TEX14: variants seen among roughly 807,000 people sequenced by gnomAD.
TEX14 encodes the protein testis expressed 14, intercellular bridge forming factor.
Under a neutral mutation model 178.6 loss-of-function variants are expected in TEX14, and 168 were observed. That is an observed-to-expected ratio of 0.94 (90% CI 0.83 to 1.07). The LOEUF is 1.07. Among genes scored for constraint, TEX14 ranks in the 50% least tolerant of loss-of-function variants. The pLI is 0.00. For missense variants in TEX14, 1,730 were observed against 1,753.6 expected, an observed-to-expected ratio of 0.99 and a Z score of 0.24; for synonymous variants, 626 against 634.1, an observed-to-expected ratio of 0.99 and a Z score of 0.19.
chr17:58,670,078 T>C (rs1910433522), intron 1 of TEX14, among the ~76,000 whole-genome samples: 1 of 152,206 alleles, frequency 6.6e-6, no homozygotes, highest in South Asian at 2.1e-4. Context: ...TTGCTTAAAA[T>C]GTTTTTACCC....
Position 58,570,406 on chromosome 17 carries a change from G to A in TEX14, c.3796C>T (p.Gln1266Ter), listed in dbSNP as rs1439569645. The change falls in exon 25 of 32, where the codon CAG becomes TAG. Residue 1266 changes from glutamine to a stop codon, truncating the protein, a stop_gained. Transcript: ENST00000349033. LOFTEE classifies it high-confidence loss of function. ...ACDSSPPHAT[Q>*]RRSLPKVEAF... The stretch of plus-strand genomic sequence containing the variant: ...GTACCTTTAGGCAGGCTCCTTCTCT[G>A]GGTGGCATGGGGTGGTGATGAGTCA... The A allele has an allele frequency of 1.3e-6, 2 of 1,517,136 alleles. No individual in the cohort carries two copies. Among genetic ancestry groups the A allele is most frequent in the Non-Finnish European group, 1.7e-6 (2 of 1,145,168 alleles). The allele number at this position is 1,517,136 out of a possible 1,614,324, so 94.0% of individuals were successfully genotyped here.
intron 2 of TEX14, among the ~76,000 whole-genome samples, chr17:58,646,288 A>C (rs992702746): frequency 2.0e-5 from 3 of 152,220 alleles, no homozygotes; most frequent in African/African-American, 7.2e-5. Context: ...AAAACACAAA[A>C]CAATATAAAA....
intron 15 of TEX14, among the ~76,000 whole-genome samples, chr17:58,588,419 A>C (rs1310853623): frequency 6.6e-6 from 1 of 152,090 alleles, no homozygotes; most frequent in Admixed American, 6.5e-5. Context: ...TCAGCTTCCC[A>C]AGTAGCTGGG....
chr17:58,572,137 A>G lies in TEX14; in HGVS notation c.3512-11T>C. The G allele has an allele frequency of 6.3e-7, 1 of 1,593,356 alleles. No homozygotes were observed. The highest frequency in any genetic ancestry group is 8.6e-7 in the Non-Finnish European group (1 of 1,162,820). On this transcript the variant is annotated splice_polypyrimidine_tract_variant and intron_variant, in intron 23 of 31. Transcript: ENST00000349033. Reference sequence around the variant, plus strand: ...CTGAAGAAACGGACCCTGTTGGAGAAAAGCGGAAGGTTACTGTCTGAATCC... The same window carrying G: ...CTGAAGAAACGGACCCTGTTGGAGAGAAGCGGAAGGTTACTGTCTGAATCC...
chr17:58,599,690 C>A, intron 13 of TEX14, 24 bp from the exon 14 acceptor site: 1 of 1,586,032 alleles, frequency 6.3e-7, no homozygotes, highest in Non-Finnish European at 8.6e-7. Context: ...CAGCAAAATG[C>A]AACTCATTAA....
Position 58,569,864 on chromosome 17 carries a change from C to G in TEX14, c.3817+521G>C, listed in dbSNP as rs1228175801. On this transcript the variant is annotated intron_variant, in intron 25 of 31. Coordinates refer to ENST00000349033, the MANE Select transcript of TEX14 (RefSeq NM_031272.5). The surrounding 1 kb of genome is among the most constrained non-coding windows in gnomAD (Gnocchi z 4.1). ...CCTCAAGACTGCTAATATTCTCAGA[C>G]CTTGTGATTTGGAAACTGTCTTCTA... Among the ~76,000 whole-genome samples, 2 of 152,072 alleles carry G rather than the reference C, an allele frequency of 1.3e-5. No homozygotes were observed. The highest frequency in any genetic ancestry group is 2.1e-4 in the South Asian group (1 of 4,824).
At chr17:58,662,473 A>G (rs2047133875) in intron 1 of TEX14, among the ~76,000 whole-genome samples, 1 of 151,612 alleles carries the variant, frequency 6.6e-6, no homozygotes, top group Non-Finnish European at 1.5e-5. Flanking sequence ...CAACTACATG[A>G]CCAAATTATG....
In TEX14 at chr17:58,680,207, C is replaced by T. The variant is rs1233202725; in HGVS notation, c.-2+11732G>A. Among the ~76,000 whole-genome samples, 8 of 152,088 alleles carry T rather than the reference C, an allele frequency of 5.3e-5. No individual in the cohort carries two copies. In the East Asian group the frequency reaches 9.7e-4, roughly 18 times the overall value. On this transcript the variant is annotated intron_variant, in intron 1 of 31. Coordinates refer to ENST00000349033, the MANE Select transcript of TEX14 (RefSeq NM_031272.5). ...TCCCCAGCAGCTGCAAAAACAGGCG[C>T]GCACGGCTTTCTTGCGCAGTTAAAC...
Position 58,587,963 on chromosome 17 carries a change from G to A in TEX14, c.2635C>T (p.Leu879Phe), listed in dbSNP as rs138686880. ...TGCCGGTGGCTTGACAGAGTGAAGA[G>A]TGCACTATTAAACTGTGTGGCTTTG... ...QAKATQFNSA[L>F]FTLSSHRQGP... The change falls in exon 16 of 32, where the codon CTC becomes TTC. Residue 879 changes from leucine (L) to phenylalanine (F), a missense_variant. Physicochemically the swap from Leu to Phe is conservative, Grantham distance 22. Coordinates refer to ENST00000349033, the MANE Select transcript of TEX14 (RefSeq NM_031272.5). 2.5e-6 allele frequency: 4 copies of A among 1,610,112 alleles called. No individual in the cohort carries two copies. Among genetic ancestry groups the A allele is most frequent in the African/African-American group, 2.7e-5 (2 of 74,766 alleles).
rs1642885665 is a variant in TEX14, at chr17:58,569,384, G to A, written c.3818-124C>T. ...TCTCAATGATGAAACAAACTAAGGAGGAAGGAAGCCTCTTACATAATAGTT... is the reference window on the plus strand; with the variant it reads ...TCTCAATGATGAAACAAACTAAGGAAGAAGGAAGCCTCTTACATAATAGTT... On this transcript the variant is annotated intron_variant, in intron 25 of 31. Coordinates refer to ENST00000349033, the MANE Select transcript of TEX14 (RefSeq NM_031272.5). This position sits in a 1 kb window ranked among gnomAD's most constrained non-coding sequence, Gnocchi z 4.1. The A allele has an allele frequency of 1.1e-5, 8 of 704,902 alleles. No individual in the cohort carries two copies. In the South Asian group the frequency reaches 1.2e-4, roughly 11 times the overall value. 43.7% of individuals were successfully genotyped at this position (704,902 alleles called of 1,614,324 possible). A position where few individuals can be genotyped will look rare whatever the true frequency, so the allele number is the denominator to read the frequency against.
chr17:58,622,785 G>T, intron 4 of TEX14, 62 bp downstream of exon 4: 2 of 1,498,638 alleles, frequency 1.3e-6, no homozygotes, highest in Non-Finnish European at 1.8e-6. Flanking sequence ...ACCACTGGGA[G>T]CCTGACTCTC....
intron 3 of TEX14, among the ~76,000 whole-genome samples, chr17:58,625,261 T>C (rs1289414170): frequency 6.6e-6 from 1 of 152,100 alleles, no homozygotes; most frequent in Non-Finnish European, 1.5e-5. Flanking sequence ...GCCTCCCGAG[T>C]AGCTGGAATT....
In TEX14 at chr17:58,587,633, A is replaced by G; in HGVS notation, c.2736T>C (p.Tyr912=). 1 of 1,608,368 alleles carries G rather than the reference A, an allele frequency of 6.2e-7. No homozygotes were observed. The highest frequency in any genetic ancestry group is 8.5e-7 in the Non-Finnish European group (1 of 1,178,156). ...MSVEPVSSEI[Y]NAESRNKDDG... is the part of the protein sequence containing the mutation. ...CATCTTTATTTCTGGACTCTGCATT[A>G]TAGATTTCAGAAGAAACAGGTTCCA... The change falls in exon 17 of 32, where the codon TAT becomes TAC. Residue 912 remains tyrosine (Y), a synonymous_variant. Transcript: ENST00000349033.
At chr17:58,636,967 C>CTGTA (rs1265006897) in intron 2 of TEX14, among the ~76,000 whole-genome samples, 1 of 151,668 alleles carries the variant, frequency 6.6e-6, no homozygotes, top group Non-Finnish European at 1.5e-5. Flanking sequence ...TGGCTCACGC[C>CTGTA]TGTAATCCCA....
At chr17:58,620,422 C>A (rs1230568023) in intron 5 of TEX14, among the ~76,000 whole-genome samples, 1 of 152,108 alleles carries the variant, frequency 6.6e-6, no homozygotes. Flanking sequence ...CTCCACCTCC[C>A]AGATTCAAGT....
chr17:58,598,703 C>T (rs2045353223), intron 14 of TEX14, among the ~76,000 whole-genome samples, 173 bp downstream of exon 14: 1 of 152,170 alleles, frequency 6.6e-6, no homozygotes, highest in Middle Eastern at 3.2e-3. Flanking sequence ...CAACGTCAAA[C>T]CCAGCCCTGG....
chr17:58,657,135 T>A (rs573138985), intron 1 of TEX14, among the ~76,000 whole-genome samples: 8 of 151,796 alleles, frequency 5.3e-5, no homozygotes, highest in African/African-American at 1.7e-4. Flanking sequence ...TATTTATTTA[T>A]TATTATTTTT....
At chr17:58,627,605 T>C (rs2046175501) in intron 3 of TEX14, among the ~76,000 whole-genome samples, 1 of 151,866 alleles carries the variant, frequency 6.6e-6, no homozygotes, top group African/African-American at 2.4e-5. Flanking sequence ...ACCGCATCTC[T>C]ACTAAAAATA....
At chr17:58,560,409 G>A (rs2013182) in intron 29 of TEX14, among the ~76,000 whole-genome samples, 106,735 of 152,094 alleles carry the variant, frequency 0.7, 37,938 homozygotes, top group East Asian at 1. Flanking sequence ...CAAATGCCCA[G>A]GACAGGGAAT....
Sources: allele counts gnomAD v4.1 joint callset (sites outside exome capture counted in the v4.1 genomes callset), GRCh38; gene constraint gnomAD v4.1.1; non-coding constraint Gnocchi (gnomAD v3.1); transcripts MANE v1.5; gene names NCBI Gene and HGNC (gene_info 2026-07-23, HGNC 2026-07-21).